The following SNTG2 variants were observed in gnomAD, a reference collection of about 807,000 sequenced individuals.
SNTG2 encodes the protein gamma-2-syntrophin.
Under a neutral mutation model 70.9 loss-of-function variants are expected in SNTG2, and 74 were observed. That is an observed-to-expected ratio of 1.04 (90% CI 0.86 to 1.27). SNTG2 has a LOEUF of 1.27. SNTG2 is among the 50% of genes most tolerant of loss of function. The probability of loss-of-function intolerance (pLI) is 0.00; values close to 1 mark genes in which losing one functional copy is unlikely to be tolerated. For missense variants in SNTG2, 717 were observed against 690.7 expected (o/e 1.04, Z -0.43); for synonymous variants, 278 against 273.8 (o/e 1.02, Z -0.15).
At chr2:1,153,747 A>G (rs1474805604) in intron 6 of SNTG2, among the ~76,000 whole-genome samples, 1 of 152,256 alleles carries the variant, frequency 6.6e-6, no homozygotes, top group Admixed American at 6.5e-5. Flanking sequence ...AAGGAAAAAA[A>G]CACTATTGAT....
At chr2:1,015,385 A>C (rs973259219) in intron 1 of SNTG2, among the ~76,000 whole-genome samples, 1 of 152,224 alleles carries the variant, frequency 6.6e-6, no homozygotes, top group African/African-American at 2.4e-5. Flanking sequence ...ATTATTTTTC[A>C]AAAACACACC....
At chr2:1,156,231 G>A (rs534152050) in intron 6 of SNTG2, among the ~76,000 whole-genome samples, 5 of 152,298 alleles carry the variant, frequency 3.3e-5, no homozygotes, top group African/African-American at 7.2e-5. Context: ...GATGTAGGAC[G>A]AGGCGAATGC....
intron 9 of SNTG2, among the ~76,000 whole-genome samples, chr2:1,221,958 T>C (rs1553311933): frequency 1.0e-4 from 2 of 19,320 alleles, no homozygotes; most frequent in African/African-American, 3.4e-4. Context: ...TCTGTCTCTG[T>C]CTCTCTCTGT....
intron 1 of SNTG2, among the ~76,000 whole-genome samples, chr2:993,067 GTTC>G (rs763938313): frequency 8.1e-5 from 6 of 73,674 alleles, no homozygotes; most frequent in East Asian, 4.9e-4. Flanking sequence ...TCTTTTGTGG[GTTC>G]TTTTTTTTTT....
At chr2:988,348 C>T (rs1161140016) in intron 1 of SNTG2, among the ~76,000 whole-genome samples, 1 of 152,226 alleles carries the variant, frequency 6.6e-6, no homozygotes, top group Admixed American at 6.5e-5. Flanking sequence ...CCCATCCCTC[C>T]TGGCCATACT....
Position 1,353,675 on chromosome 2 carries a change from C to T in SNTG2, c.1489-13668C>T, listed in dbSNP as rs987614268. 1 of 152,168 alleles carries T rather than the reference C, an allele frequency of 6.6e-6. No homozygotes were observed. The highest frequency in any genetic ancestry group is 2.4e-5 in the African/African-American group (1 of 41,436). 9.4% of individuals were successfully genotyped at this position (152,168 alleles called of 1,614,324 possible). On this transcript the variant is annotated intron_variant, in intron 16 of 16. Coordinates refer to ENST00000308624, the MANE Select transcript of SNTG2 (RefSeq NM_018968.4). This position sits in a 1 kb window ranked among gnomAD's most constrained non-coding sequence, Gnocchi z 4.2. ...ATGCTGATTGACTTCACCTTTGCCC[C>T]CTTTCCCATAGGGCCATTAGGTAAT...
At chr2:1,093,701 C>T (rs1011446626) in intron 2 of SNTG2, among the ~76,000 whole-genome samples, 1 of 152,206 alleles carries the variant, frequency 6.6e-6, no homozygotes, top group African/African-American at 2.4e-5. Flanking sequence ...AACTAACCAC[C>T]TTGGTATTTT....
At chr2:1,139,826 C>CA (rs139384127) in intron 6 of SNTG2, among the ~76,000 whole-genome samples, 36 of 101,008 alleles carry the variant, frequency 3.6e-4, no homozygotes, top group African/African-American at 1.3e-3. Flanking sequence ...GACTCCATCT[C>CA]AAAAAAAAAA....
chr2:1,086,313 G>GCTCTCTCTGT (rs1558383087), intron 2 of SNTG2, among the ~76,000 whole-genome samples: 1 of 152,160 alleles, frequency 6.6e-6, no homozygotes, highest in African/African-American at 2.4e-5. Flanking sequence ...TCGCTCTCTC[G>GCTCTCTCTGT]CTCTCTCTGT....
chr2:1,301,426 A>C (rs1212392604), intron 14 of SNTG2, among the ~76,000 whole-genome samples: 1 of 152,214 alleles, frequency 6.6e-6, no homozygotes, highest in Non-Finnish European at 1.5e-5. Flanking sequence ...TACTCAAAAA[A>C]TATTATGGCC....
chr2:1,085,588 A>G (rs567583070), intron 2 of SNTG2, among the ~76,000 whole-genome samples: 19 of 152,390 alleles, frequency 1.2e-4, no homozygotes, highest in African/African-American at 4.3e-4. Context: ...ATAGATGACC[A>G]TAAAACAAAA....
In SNTG2 at chr2:952,932, T is replaced by C. The variant is rs115427977; in HGVS notation, c.72+1864T>C. ...TTATTTTCTTACCATAACTGCACAA[T>C]ATTATTCAACTTGTGTAATTATTTA... On this transcript the variant is annotated intron_variant, in intron 1 of 16. Coordinates refer to ENST00000308624, the MANE Select transcript of SNTG2 (RefSeq NM_018968.4). 2.6e-3 allele frequency among the ~76,000 whole-genome samples: 394 copies of C among 152,256 alleles called. 1 individual carries two copies. Among genetic ancestry groups the C allele is most frequent in the African/African-American group, 9.2e-3 (381 of 41,488 alleles).
rs781041377 is a variant in SNTG2 at position 1,267,589 on chromosome 2, ACT to A, written c.1284+21_1284+22del. The A allele has an allele frequency of 6.2e-7, 1 of 1,608,728 alleles. No individual in the cohort carries two copies. Among genetic ancestry groups the A allele is most frequent in the Non-Finnish European group, 8.5e-7 (1 of 1,177,136 alleles). ...GAACCGGGGTAAGTGAACAACTCAC[ACT>A]CTTCTCACCTACACCTGCTCGGGTG... On this transcript the variant is annotated intron_variant, in intron 14 of 16. Coordinates refer to ENST00000308624, the MANE Select transcript of SNTG2 (RefSeq NM_018968.4).
intron 16 of SNTG2, among the ~76,000 whole-genome samples, chr2:1,323,240 G>C (rs1306993045): frequency 1.3e-5 from 2 of 152,230 alleles, no homozygotes; most frequent in African/African-American, 4.8e-5. Flanking sequence ...GGATTTCCAA[G>C]GACAGCTTCT....
intron 2 of SNTG2, among the ~76,000 whole-genome samples, chr2:1,084,482 A>G (rs995282920): frequency 1.1e-4 from 17 of 152,142 alleles, no homozygotes; most frequent in African/African-American, 4.1e-4. Flanking sequence ...CTGCTCCCCA[A>G]CATGTCCCCT....
At chr2:1,261,922 G>C (rs763669577) in intron 13 of SNTG2, among the ~76,000 whole-genome samples, 12 of 152,226 alleles carry the variant, frequency 7.9e-5, no homozygotes, top group Middle Eastern at 3.4e-3. Flanking sequence ...CCCGAATCCC[G>C]CTCTATTCCA....
intron 1 of SNTG2, among the ~76,000 whole-genome samples, chr2:1,031,525 TATA>T (rs375870541): frequency 1.0e-3 from 63 of 61,502 alleles, no homozygotes; most frequent in Middle Eastern, 7.6e-3. Flanking sequence ...TATATATATA[TATA>T]TTTTTTTTTT....
chr2:1,077,337 G>A (rs1490394069), intron 1 of SNTG2, among the ~76,000 whole-genome samples: 1 of 152,184 alleles, frequency 6.6e-6, no homozygotes, highest in Non-Finnish European at 1.5e-5. Flanking sequence ...GGTGTGCGGT[G>A]TTGCTATTCC....
chr2:1,210,278 A>T (rs1673951403), intron 9 of SNTG2, among the ~76,000 whole-genome samples: 2 of 152,186 alleles, frequency 1.3e-5, no homozygotes. Flanking sequence ...CTAGTAAAAG[A>T]TGTGTGTATT....
Sources: gnomAD v4.1 joint callset for allele counts (sites outside exome capture counted in the v4.1 genomes callset) on GRCh38, gnomAD v4.1.1 for gene constraint, Gnocchi (gnomAD v3.1) non-coding constraint, MANE v1.5 for transcripts, NCBI Gene and HGNC (gene_info 2026-07-23, HGNC 2026-07-21) for gene names.